PDE1C: variants seen among roughly 807,000 people sequenced by gnomAD.
The protein encoded by PDE1C is dual specificity calcium/calmodulin-dependent 3',5'-cyclic nucleotide phosphodiesterase 1C.
Under a neutral mutation model 93.1 loss-of-function variants are expected in PDE1C, and 62 were observed. The ratio of observed to expected loss-of-function variants is 0.67; its 90% CI spans 0.54 to 0.82. The LOEUF is 0.82. Among genes scored for constraint, PDE1C ranks in the 40% least tolerant of loss-of-function variants. The pLI, the probability that PDE1C is intolerant of heterozygous loss-of-function variation, is 0.00. For synonymous variants in PDE1C, 325 were observed against 310.1 expected, an observed-to-expected ratio of 1.05 and a Z score of -0.50; for missense variants, 742 against 884.6, an observed-to-expected ratio of 0.84 and a Z score of 2.04.
At chr7:32,090,543 T>G (rs1797416476) in intron 3 of PDE1C, among the ~76,000 whole-genome samples, 1 of 152,204 alleles carries the variant, frequency 6.6e-6, no homozygotes, top group Non-Finnish European at 1.5e-5. Context: ...AATCATTATT[T>G]CAGAGTTTCC....
chr7:32,128,473 A>G (rs1799714193), intron 3 of PDE1C, among the ~76,000 whole-genome samples: 1 of 151,978 alleles, frequency 6.6e-6, no homozygotes, highest in South Asian at 2.1e-4. Flanking sequence ...TTACACTTCA[A>G]TAAGACAAAT....
chr7:32,143,394 G>T (rs1431496891), intron 3 of PDE1C, among the ~76,000 whole-genome samples: 1 of 151,352 alleles, frequency 6.6e-6, no homozygotes, highest in African/African-American at 2.4e-5. Flanking sequence ...ACAGCGAGAA[G>T]GGTAGAATCC....
In PDE1C at chr7:32,107,511, GCAAA is replaced by G. The variant is rs530611276; in HGVS notation, c.308+62270_308+62273del. On this transcript the variant is annotated intron_variant, in intron 3 of 18. Coordinates refer to the PDE1C transcript ENST00000396193. ...TGTTTAAAGCATTGAATGAAAAAAA[GCAAA>G]CAAAGTCAAAAAATACCAACTTAGA... Among the ~76,000 whole-genome samples, 46 of 152,166 alleles carry G rather than the reference GCAAA, an allele frequency of 3.0e-4. No homozygotes were observed. In the South Asian group the frequency reaches 8.5e-3, roughly 28 times the overall value.
chr7:31,744,817 A>G, the PDE1C span, among the ~76,000 whole-genome samples: 2 of 152,192 alleles, frequency 1.3e-5, no homozygotes, highest in African/African-American at 4.8e-5. Context: ...AAAATTCGGG[A>G]AACTGCAGTA....
chr7:32,036,226 T>C (rs1791068056), intron 2 of PDE1C, among the ~76,000 whole-genome samples: 1 of 152,188 alleles, frequency 6.6e-6, no homozygotes, highest in Admixed American at 6.5e-5. Flanking sequence ...CCAGGTCAGC[T>C]ACATTCATTC....
chr7:32,144,008 G>A (rs1800680489), intron 3 of PDE1C, among the ~76,000 whole-genome samples: 1 of 152,116 alleles, frequency 6.6e-6, no homozygotes, highest in Non-Finnish European at 1.5e-5. Flanking sequence ...GAATGCTGCT[G>A]AATTGAGAGA....
chr7:32,417,743 T>C (rs1231025080), intron 1 of PDE1C, among the ~76,000 whole-genome samples: 1 of 151,998 alleles, frequency 6.6e-6, no homozygotes, highest in East Asian at 1.9e-4. Flanking sequence ...AAAGTATCTG[T>C]TGTATTAAGA....
the PDE1C span, among the ~76,000 whole-genome samples, chr7:31,684,807 G>A: frequency 2.2e-4 from 33 of 152,302 alleles, no homozygotes; most frequent in Admixed American, 1.0e-3. Flanking sequence ...TGGACCCTTC[G>A]TACATTGCTG....
chr7:31,628,397 C>T, the PDE1C span, among the ~76,000 whole-genome samples: 1 of 152,020 alleles, frequency 6.6e-6, no homozygotes, highest in Non-Finnish European at 1.5e-5. Context: ...GCCAGGAATC[C>T]CACATCTGTC....
chr7:32,316,524 T>C (rs746033082), intron 1 of PDE1C, among the ~76,000 whole-genome samples: 12 of 152,192 alleles, frequency 7.9e-5, no homozygotes, highest in Non-Finnish European at 1.6e-4. Flanking sequence ...GGCAAGCTGA[T>C]GCCAAAATAA....
intron 1 of PDE1C, among the ~76,000 whole-genome samples, chr7:32,389,157 CGTGTGTGTGTGT>C (rs575896243): frequency 5.9e-5 from 8 of 135,782 alleles, no homozygotes. Context: ...TGATAGCTGA[CGTGTGTGTGTGT>C]GTGTGTGTGT....
rs186470145 is a variant in PDE1C, at chr7:32,114,074, A to T, written c.308+55711T>A. On this transcript the variant is annotated intron_variant, in intron 3 of 18. Transcript: ENST00000396193. The stretch of plus-strand genomic sequence containing the variant: ...ACTATCCAAAGTAATTTATAGATTC[A>T]ATGCTATTCTCATCAAACTACCATT... 5.9e-5 allele frequency among the ~76,000 whole-genome samples: 9 copies of T among 152,314 alleles called. No homozygotes were observed. The East Asian group carries it at 1.5e-3, about 26-fold the overall frequency.
At chr7:31,847,779 TAAAGAAA>T (rs1386870415) in intron 9 of PDE1C, 182 bp downstream of exon 9, 2 of 579,378 alleles carry the variant, frequency 3.5e-6, no homozygotes, top group South Asian at 2.0e-5. Flanking sequence ...AATATCTGTA[TAAAGAAA>T]AAAGAGAAAT....
chr7:32,019,281 T>C (rs988198440), intron 2 of PDE1C, among the ~76,000 whole-genome samples: 4 of 151,606 alleles, frequency 2.6e-5, no homozygotes, highest in African/African-American at 9.7e-5. Context: ...TTAGAGTTAG[T>C]GAGAAAATGT....
intron 3 of PDE1C, among the ~76,000 whole-genome samples, chr7:32,139,173 T>C (rs1279122126): frequency 6.6e-6 from 1 of 152,030 alleles, no homozygotes; most frequent in Non-Finnish European, 1.5e-5. Context: ...TCTTTCTCCA[T>C]CACCCAGGCT....
At chr7:32,153,368 AT>A (rs1801375973) in intron 3 of PDE1C, among the ~76,000 whole-genome samples, 1 of 152,212 alleles carries the variant, frequency 6.6e-6, no homozygotes, top group Non-Finnish European at 1.5e-5. Context: ...AGGGAGCAAA[AT>A]CTTTATCTGG....
chr7:31,641,409 C>G, the PDE1C span, among the ~76,000 whole-genome samples: 10 of 152,264 alleles, frequency 6.6e-5, no homozygotes, highest in East Asian at 1.9e-4. Flanking sequence ...CAACCCCCTT[C>G]CTCCTGAGAG....
chr7:32,174,817 C>T (rs994138282), intron 2 of PDE1C, among the ~76,000 whole-genome samples: 2 of 152,142 alleles, frequency 1.3e-5, no homozygotes, highest in African/African-American at 4.8e-5. Flanking sequence ...TGAGGAATGG[C>T]AGGCTCGTAG....
intron 17 of PDE1C, among the ~76,000 whole-genome samples, chr7:31,766,359 G>C (rs28480176): frequency 0.3 from 45,762 of 151,084 alleles, 7,161 homozygotes; most frequent in Admixed American, 0.37. Flanking sequence ...ACTCCAGCCT[G>C]GGCGACAGAG....
Sources: gnomAD v4.1 joint callset for allele counts (sites outside exome capture counted in the v4.1 genomes callset) on GRCh38, gnomAD v4.1.1 for gene constraint, MANE v1.5 for transcripts, NCBI Gene and HGNC (gene_info 2026-07-23, HGNC 2026-07-21) for gene names.